The following ROPN1 variants were observed in gnomAD, a reference collection of about 807,000 sequenced individuals.
The protein encoded by ROPN1 is ropporin-1A.
In ROPN1, 14 loss-of-function variants were observed where a neutral mutation model predicts 20.5. That is an observed-to-expected ratio of 0.68 (90% CI 0.45 to 1.07). ROPN1 has a LOEUF of 1.07. Among genes scored for constraint, ROPN1 ranks in the 50% least tolerant of loss-of-function variants. The pLI, the probability that ROPN1 is intolerant of heterozygous loss-of-function variation, is 0.00. For synonymous variants in ROPN1, 76 were observed against 95.7 expected, an observed-to-expected ratio of 0.79 and a Z score of 1.20; for missense variants, 169 against 242.8, an observed-to-expected ratio of 0.70 and a Z score of 2.02.
Position 123,977,022 on chromosome 3 carries a change from C to T in ROPN1, c.117-41G>A, listed in dbSNP as rs757605131. 3.3e-6 allele frequency: 5 copies of T among 1,518,684 alleles called. No individual in the cohort carries two copies. In the South Asian group the frequency reaches 6.0e-5, roughly 18 times the overall value. The allele number at this position is 1,518,684 out of a possible 1,614,324, so 94.1% of individuals were successfully genotyped here. ...TCAGAGAGTAGGAGGATCCTATACA[C>T]CAGTGGCCTCTGGCTGTTCTAGCAA... On this transcript the variant is annotated intron_variant, in intron 2 of 5. Transcript: ENST00000405845.
chr3:123,978,409 TC>T (rs1282095067), intron 2 of ROPN1, among the ~76,000 whole-genome samples: 1 of 152,130 alleles, frequency 6.6e-6, no homozygotes, highest in Non-Finnish European at 1.5e-5. Context: ...AGAGTAACAC[TC>T]ATCACCAACA....
rs1247269454 is a variant in ROPN1 at position 123,969,158 on chromosome 3, C to T, written c.636G>A (p.Glu212=). The T allele has an allele frequency of 6.2e-7, 1 of 1,613,566 alleles. No individual in the cohort carries two copies. Among genetic ancestry groups the T allele is most frequent in the Non-Finnish European group, 8.5e-7 (1 of 1,179,608 alleles). ...TAAAATTGCCAAAATTGTGCTTTTA[C>T]TCCAGCTGAACCCTGGGGTTTTGGG... The part of the protein sequence containing the change: ...DFTQNPRVQL[E] Residue 212 remains glutamate, a synonymous_variant, in exon 6 of 6, where the codon GAG becomes GAA. Coordinates refer to ENST00000405845, the MANE Select transcript of ROPN1 (RefSeq NM_001317774.2).
Sources: gnomAD v4.1 joint callset for allele counts (sites outside exome capture counted in the v4.1 genomes callset) on GRCh38, gnomAD v4.1.1 for gene constraint, MANE v1.5 for transcripts, NCBI Gene and HGNC (gene_info 2026-07-23, HGNC 2026-07-21) for gene names.